The following ERCC6 variants were observed in gnomAD, a reference collection of about 807,000 sequenced individuals.
ERCC6 encodes DNA excision repair protein ERCC-6.
ERCC6 carries 116 observed loss-of-function variants against 158.7 expected under a neutral mutation model. The ratio of observed to expected loss-of-function variants is 0.73; its 90% CI spans 0.63 to 0.85. The LOEUF is 0.85. ERCC6 is among the 40% of genes least tolerant of loss of function. The probability of loss-of-function intolerance (pLI) is 0.00; values close to 1 mark genes in which losing one functional copy is unlikely to be tolerated. For missense variants in ERCC6, 1,698 were observed against 1,799.4 expected (o/e 0.94, Z 1.02); for synonymous variants, 678 against 659.3 (o/e 1.03, Z -0.43).
At chr10:49,450,358 C>T (rs1424220523), downstream of ERCC6, among the ~76,000 whole-genome samples, 1 of 151,938 alleles carries the variant, frequency 6.6e-6, no homozygotes, top group African/African-American at 2.4e-5. Context: ...TAAAAAAATA[C>T]AATGATCTAT....
At position 49,532,848 on chromosome 10, in the gene ERCC6, C is replaced by A. The variant is rs1837504112; in HGVS notation, c.117G>T (p.Gly39=). ...MAIKQESGGD[G]EVEEYLSFRS... ...GAAAGGAGAGGTACTCCTCCACCTC[C>A]CCATCACCACCACTTTCTTGCTTGA... The change falls in exon 2 of 21, where the codon GGG becomes GGT. Residue 39 remains glycine, a synonymous_variant. Coordinates refer to ENST00000355832, the MANE Select transcript of ERCC6 (RefSeq NM_000124.4). 1.2e-6 allele frequency: 2 copies of A among 1,614,112 alleles called. No homozygotes were observed. Among genetic ancestry groups the A allele is most frequent in the Non-Finnish European group, 1.7e-6 (2 of 1,180,046 alleles).
intron 7 of ERCC6, among the ~76,000 whole-genome samples, chr10:49,497,138 G>T (rs1258635656): frequency 6.6e-6 from 1 of 152,196 alleles, no homozygotes; most frequent in African/African-American, 2.4e-5. Context: ...GAGTTTCTAA[G>T]CCATGCTCCT....
rs529174213 is a variant in ERCC6, at chr10:49,470,299, G to A, written c.3661C>T (p.Arg1221Ter). 1.1e-5 allele frequency: 18 copies of A among 1,614,044 alleles called. No individual in the cohort carries two copies. Among genetic ancestry groups the A allele is most frequent in the Non-Finnish European group, 1.4e-5 (17 of 1,180,006 alleles). The change falls in exon 18 of 21, where the codon CGA becomes TGA. Residue 1221 changes from arginine (R) to a stop codon, truncating the protein, a stop_gained. Transcript: ENST00000355832. LOFTEE classifies it high-confidence loss of function. ...CTTTTCTTCACCAGGTGTGGAATTC[G>A]AGTTCCTTCAAACTTGGCGTCTCTG... ...HCRDAKFEGTRIPHLVKKRRY... is the reference protein window; with the variant it reads ...HCRDAKFEGT
In ERCC6 at chr10:49,483,499, A is replaced by C; in HGVS notation, c.1839T>G (p.Asp613Glu). 1 of 1,614,116 alleles carries C rather than the reference A, an allele frequency of 6.2e-7. No individual in the cohort carries two copies. The highest frequency in any genetic ancestry group is 2.2e-5 in the East Asian group (1 of 44,868). The change falls in exon 9 of 21, where the codon GAT becomes GAG. Residue 613 changes from aspartate (D) to glutamate (E), a missense_variant. Physicochemically the swap from Asp to Glu is conservative, Grantham distance 45 (BLOSUM62 2). Coordinates refer to ENST00000355832, the MANE Select transcript of ERCC6 (RefSeq NM_000124.4). ...YTHKKEKLIRDVAHCHGILIT... is the reference protein window; with the variant it reads ...YTHKKEKLIREVAHCHGILIT... ...TCAAAATTCCATGACAATGAGCAAC[A>C]TCTCGAATTAGTTTCTCCTGAGACC...
chr10:49,491,078 G>A (rs1206793680), intron 8 of ERCC6, among the ~76,000 whole-genome samples: 1 of 152,186 alleles, frequency 6.6e-6, no homozygotes, highest in Non-Finnish European at 1.5e-5. Flanking sequence ...AAGGTGCAGA[G>A]GAAGCAAATA....
At chr10:49,488,668 T>C (rs1851119362) in intron 8 of ERCC6, among the ~76,000 whole-genome samples, 1 of 151,932 alleles carries the variant, frequency 6.6e-6, no homozygotes, top group African/African-American at 2.4e-5. Flanking sequence ...TAAAGTTTTT[T>C]ACTCCCTTCT....
chr10:49,484,965 T>C (rs913715371), intron 8 of ERCC6, among the ~76,000 whole-genome samples: 8 of 152,196 alleles, frequency 5.3e-5, no homozygotes, highest in African/African-American at 1.9e-4. Flanking sequence ...GCAGTCATGC[T>C]TGATGAATAA....
At chr10:49,516,057 T>C in intron 5 of ERCC6, 3 of 1,614,090 alleles carry the variant, frequency 1.9e-6, no homozygotes, top group Non-Finnish European at 2.5e-6. Context: ...GGTGAAAAAG[T>C]TATTGAATAC....
chr10:49,507,640 C>T (rs748393109), intron 5 of ERCC6, among the ~76,000 whole-genome samples: 7 of 152,144 alleles, frequency 4.6e-5, no homozygotes, highest in Non-Finnish European at 1.0e-4. Context: ...AACAATCGTT[C>T]TTGACAGGGG....
chr10:49,517,206 C>G lies in ERCC6; in HGVS notation c.1397+6827G>C, dbSNP rs529183152. On this transcript the variant is annotated intron_variant, in intron 5 of 20. Transcript: ENST00000355832. ...AAATGGAACATGAAAAATGTCAAAC[C>G]CATAACTAATGCAATAATAATACTT... The G allele has an allele frequency of 6.1e-6, 9 of 1,486,108 alleles. No homozygotes were observed. In the Admixed American group the frequency reaches 2.1e-4, roughly 35 times the overall value. 92.1% of individuals were successfully genotyped at this position (1,486,108 alleles called of 1,614,324 possible).
chr10:49,477,782 C>T (rs899934371), intron 11 of ERCC6, among the ~76,000 whole-genome samples: 5 of 152,334 alleles, frequency 3.3e-5, no homozygotes, highest in Admixed American at 1.3e-4. Flanking sequence ...TCAAAACCTA[C>T]AAGACTTGCT....
chr10:49,472,477 CAGAG>C lies in ERCC6; in HGVS notation c.2830-11_2830-8del, dbSNP rs759974249. The C allele has an allele frequency of 3.7e-6, 6 of 1,610,824 alleles. No homozygotes were observed. The African/African-American group carries it at 4.0e-5, about 11-fold the overall frequency. ...TCCATGCTCGCTCCCGGGCCTGCAA[CAGAG>C]AGAGAGAGACCTCTCAACGAGAATC... On this transcript the variant is annotated splice_polypyrimidine_tract_variant and splice_region_variant and intron_variant, in intron 15 of 20. Transcript: ENST00000355832.
chr10:49,514,998 T>C (rs4253076), intron 5 of ERCC6, among the ~76,000 whole-genome samples: 34 of 152,200 alleles, frequency 2.2e-4, no homozygotes, highest in Non-Finnish European at 4.6e-4. Flanking sequence ...TAGACAATTA[T>C]GCCCAGAGCC....
chr10:49,516,133 C>A (rs758711210), intron 5 of ERCC6: 2 of 1,614,032 alleles, frequency 1.2e-6, no homozygotes, highest in Non-Finnish European at 8.5e-7. Context: ...AGTGACGCAC[C>A]GACACCATAT....
At chr10:49,463,440 A>T (rs922269553) in intron 18 of ERCC6, among the ~76,000 whole-genome samples, 4 of 152,208 alleles carry the variant, frequency 2.6e-5, no homozygotes, top group South Asian at 2.1e-4. Flanking sequence ...AAGGAGGAAT[A>T]GCTCTCTGTT....
chr10:49,483,621 T>C lies in ERCC6; in HGVS notation c.1822-105A>G. Reference sequence around the variant, plus strand: ...TTATAAAAATGCACAAATACAAACATAACATGCACAATCACAGACATTATC... The same window carrying C: ...TTATAAAAATGCACAAATACAAACACAACATGCACAATCACAGACATTATC... On this transcript the variant is annotated intron_variant, in intron 8 of 20. Coordinates refer to ENST00000355832, the MANE Select transcript of ERCC6 (RefSeq NM_000124.4). The C allele has an allele frequency of 1.3e-5, 15 of 1,125,894 alleles. No individual in the cohort carries two copies. In the South Asian group the frequency reaches 1.8e-4, roughly 13 times the overall value. 69.7% of individuals were successfully genotyped at this position (1,125,894 alleles called of 1,614,324 possible).
intron 8 of ERCC6, among the ~76,000 whole-genome samples, chr10:49,490,357 C>CTTT (rs11400742): frequency 1.1e-4 from 16 of 140,452 alleles, no homozygotes; most frequent in South Asian, 2.2e-4. Flanking sequence ...AAAAATTTTC[C>CTTT]TTTTTTTTTT....
intron 18 of ERCC6, 138 bp from the exon 19 acceptor site, chr10:49,461,694 T>C: frequency 2.5e-6 from 2 of 806,662 alleles, no homozygotes; most frequent in Admixed American, 2.3e-5. Context: ...GAATCAATGA[T>C]AAAAAATAGT....
chr10:49,444,742 A>C, the ERCC6 span, among the ~76,000 whole-genome samples: 1 of 152,132 alleles, frequency 6.6e-6, no homozygotes, highest in Non-Finnish European at 1.5e-5. Context: ...TGTTACAGGA[A>C]CTCTTCTGAG....
Sources: gnomAD v4.1 joint callset for allele counts (sites outside exome capture counted in the v4.1 genomes callset) on GRCh38, gnomAD v4.1.1 for gene constraint, MANE v1.5 for transcripts, NCBI Gene and HGNC (gene_info 2026-07-23, HGNC 2026-07-21) for gene names.